Variants in TENM2 observed in about 807,000 individuals in gnomAD.
TENM2 encodes the protein teneurin transmembrane protein 2, also known as teneurin-2.
Under a neutral mutation model 245.2 loss-of-function variants are expected in TENM2, and 52 were observed. The observed-to-expected ratio is 0.21, with a 90% CI of 0.17 to 0.27. The LOEUF (loss-of-function observed/expected upper bound fraction) is 0.27. Among genes scored for constraint, TENM2 ranks in the 10% least tolerant of loss-of-function variants. The probability of loss-of-function intolerance (pLI) is 1.00; values close to 1 mark genes in which losing one functional copy is unlikely to be tolerated. For missense variants in TENM2, 3,046 were observed against 3,666.8 expected (o/e 0.83, Z 4.37); for synonymous variants, 1,363 against 1,438.9 (o/e 0.95, Z 1.19).
the TENM2 span, among the ~76,000 whole-genome samples, chr5:167,050,539 G>A: frequency 6.6e-6 from 1 of 152,170 alleles, no homozygotes; most frequent in South Asian, 2.1e-4. Flanking sequence ...CCTGAGGTCA[G>A]TGAAGAATAA....
intron 15 of TENM2, among the ~76,000 whole-genome samples, 167 bp from the exon 18 acceptor site, chr5:168,198,686 G>C (rs551182255): frequency 3.3e-5 from 5 of 152,152 alleles, no homozygotes; most frequent in African/African-American, 9.7e-5. Context: ...TTGCCACTCA[G>C]CTAGTAAGTG....
intron 2 of TENM2, among the ~76,000 whole-genome samples, chr5:167,446,793 GCA>G (rs34343283): frequency 0.029 from 4,231 of 143,938 alleles, 174 homozygotes; most frequent in African/African-American, 0.097. Flanking sequence ...TTTGAAACAC[GCA>G]CACACACACA....
In TENM2 at chr5:167,990,865, A is replaced by T. The variant is rs575666279; in HGVS notation, c.948-2079A>T. Among the ~76,000 whole-genome samples, 16 of 152,356 alleles carry T rather than the reference A, an allele frequency of 1.1e-4. No homozygotes were observed. The South Asian group carries it at 3.3e-3, about 32-fold the overall frequency. On this transcript the variant is annotated intron_variant, in intron 4 of 28. Coordinates refer to ENST00000518659, the Ensembl canonical transcript of TENM2. ...AAGGTTTTATCTGCAAACAGCCAAG[A>T]TACAAATATTTGTAATGATAGCAAT...
At chr5:168,126,849 G>T (rs368507082) in exon 12 of TENM2, 20 of 1,610,764 alleles carry the variant, frequency 1.2e-5, no homozygotes, top group East Asian at 2.2e-5. Flanking sequence ...TGACCAGCGC[G>T]TGTGCCACCC....
chr5:167,441,962 A>C (rs1764903697), intron 2 of TENM2, among the ~76,000 whole-genome samples: 1 of 152,138 alleles, frequency 6.6e-6, no homozygotes, highest in African/African-American at 2.4e-5. Context: ...AAACCCCCTA[A>C]GCTTTCTGGG....
intron 2 of TENM2, among the ~76,000 whole-genome samples, chr5:167,390,073 C>T (rs1427898775): frequency 6.6e-6 from 1 of 152,120 alleles, no homozygotes; most frequent in Non-Finnish European, 1.5e-5. Flanking sequence ...TATACAAATG[C>T]TTAAAAAGTG....
At chr5:167,023,831 A>T in the TENM2 span, among the ~76,000 whole-genome samples, 1 of 152,184 alleles carries the variant, frequency 6.6e-6, no homozygotes, top group Admixed American at 6.5e-5. Flanking sequence ...GTCTAGATTC[A>T]GCGGCACTTT....
intron 2 of TENM2, among the ~76,000 whole-genome samples, chr5:167,439,682 G>A (rs1476142128): frequency 1.3e-5 from 2 of 152,052 alleles, no homozygotes; most frequent in Non-Finnish European, 2.9e-5. Flanking sequence ...TTACATAATA[G>A]ATTGGCATGT....
the TENM2 span, among the ~76,000 whole-genome samples, chr5:167,156,809 A>T: frequency 2.6e-5 from 4 of 152,180 alleles, no homozygotes; most frequent in Non-Finnish European, 5.9e-5. Flanking sequence ...ACTTGCCCAG[A>T]CTACCAGAAG....
intron 13 of TENM2, among the ~76,000 whole-genome samples, chr5:168,173,035 T>C (rs1758991428): frequency 6.6e-6 from 1 of 152,142 alleles, no homozygotes; most frequent in Non-Finnish European, 1.5e-5. Flanking sequence ...CTTTCCAAGG[T>C]GATTCTCCTC....
chr5:167,499,868 GTGAGGGTATA>G (rs1769061500), intron 2 of TENM2, among the ~76,000 whole-genome samples: 1 of 149,862 alleles, frequency 6.7e-6, no homozygotes, highest in Non-Finnish European at 1.5e-5. Flanking sequence ...GCATGTGTAT[GTGAGGGTATA>G]TGTGTGTGTG....
chr5:167,444,298 TACAC>T (rs140953889), intron 2 of TENM2, among the ~76,000 whole-genome samples: 185 of 150,500 alleles, frequency 1.2e-3, no homozygotes, highest in African/African-American at 3.4e-3. Flanking sequence ...CACATACACA[TACAC>T]ACACACACAC....
intron 1 of TENM2, among the ~76,000 whole-genome samples, chr5:167,316,018 C>T (rs558946724): frequency 6.6e-6 from 1 of 152,258 alleles, no homozygotes; most frequent in South Asian, 2.1e-4. Context: ...GGTCTCTGCT[C>T]AAACATTATC....
chr5:167,342,795 G>C (rs993428737), intron 1 of TENM2, among the ~76,000 whole-genome samples: 2 of 151,316 alleles, frequency 1.3e-5, no homozygotes, highest in Non-Finnish European at 2.9e-5. Flanking sequence ...CCAAAGTGCT[G>C]GGATTACAGG....
At chr5:168,045,399 G>A (rs769827163) in intron 5 of TENM2, among the ~76,000 whole-genome samples, 5 of 152,216 alleles carry the variant, frequency 3.3e-5, no homozygotes, top group Non-Finnish European at 5.9e-5. Context: ...AGTAACATTA[G>A]GGGATTGTTT....
intron 2 of TENM2, among the ~76,000 whole-genome samples, chr5:167,807,867 C>T (rs1360828200): frequency 6.6e-6 from 1 of 152,094 alleles, no homozygotes; most frequent in Non-Finnish European, 1.5e-5. Flanking sequence ...CCAGGTCACA[C>T]CCGTACCAGT....
intron 12 of TENM2, among the ~76,000 whole-genome samples, chr5:168,153,744 C>A (rs1328110098): frequency 6.6e-6 from 1 of 152,134 alleles, no homozygotes; most frequent in Non-Finnish European, 1.5e-5. Flanking sequence ...GACGGCTGGG[C>A]CCCATCCCCA....
chr5:167,815,462 G>T (rs1766972700), intron 2 of TENM2, among the ~76,000 whole-genome samples: 1 of 152,092 alleles, frequency 6.6e-6, no homozygotes, highest in Admixed American at 6.6e-5. Flanking sequence ...TTTATGGGGA[G>T]GCTAAAATGG....
At chr5:167,877,026 G>A (rs1323763249) in intron 3 of TENM2, among the ~76,000 whole-genome samples, 2 of 152,158 alleles carry the variant, frequency 1.3e-5, no homozygotes, top group African/African-American at 2.4e-5. Context: ...TCTGAACGTA[G>A]GAACGGGCAA....
Sources: allele counts gnomAD v4.1 joint callset (sites outside exome capture counted in the v4.1 genomes callset), GRCh38; gene constraint gnomAD v4.1.1; transcripts MANE v1.5; gene names NCBI Gene and HGNC (gene_info 2026-07-23, HGNC 2026-07-21).